E4F1: variants seen among roughly 807,000 people sequenced by gnomAD.
The protein encoded by E4F1 is transcription factor E4F1.
A neutral mutation model predicts 72.9 loss-of-function variants in E4F1; 30 were observed. The ratio of observed to expected loss-of-function variants is 0.41; its 90% CI spans 0.31 to 0.56. The LOEUF (loss-of-function observed/expected upper bound fraction) is 0.56. Ranked by LOEUF, E4F1 falls within the 20% of genes least tolerant of loss-of-function variation. The pLI is 0.25. For synonymous variants in E4F1, 542 were observed against 478.2 expected (o/e 1.13, Z -1.74); for missense variants, 1,091 against 1,117.5 (o/e 0.98, Z 0.34).
chr16:2,232,145 G>A, intron 3 of E4F1, 26 bp from the exon 4 acceptor site: 1 of 1,606,154 alleles, frequency 6.2e-7, no homozygotes, highest in Non-Finnish European at 8.5e-7. Flanking sequence ...CAGGTCCTGG[G>A]GCTTAGGCCC....
At chr16:2,231,837 C>A in intron 3 of E4F1, 1 of 313,942 alleles carries the variant, frequency 3.2e-6, no homozygotes, top group South Asian at 3.8e-5. Context: ...TGTCTCTTCA[C>A]CCAAGGACCT....
In E4F1 at chr16:2,233,103, G is replaced by A; in HGVS notation, c.976G>A (p.Asp326Asn). 1 of 1,612,672 alleles carries A rather than the reference G, an allele frequency of 6.2e-7. No homozygotes were observed. The highest frequency in any genetic ancestry group is 8.5e-7 in the Non-Finnish European group (1 of 1,179,538). The change falls in exon 7 of 14, where the codon GAT (aspartate) becomes AAT (asparagine). Residue 326 changes from aspartate to asparagine, a missense_variant. Transcript: ENST00000301727. Reference protein sequence around the residue: ...ETSPVIHLVTDAKGTVIHEVH... With the variant: ...ETSPVIHLVTNAKGTVIHEVH... ...TTCACCCGTGATTCACCTGGTGACA[G>A]ATGCCAAGGGCACCGTCATCCACGA... is the stretch of plus-strand genomic sequence containing the variant.
Position 2,235,561 on chromosome 16 carries a change from G to A in E4F1, c.2344G>A (p.Val782Ile), listed in dbSNP as rs1271656018. Residue 782 changes from valine (V) to isoleucine (I), a missense_variant, in exon 14 of 14, where the codon GTC (valine) becomes ATC (isoleucine). Transcript: ENST00000301727. ...GGAGGGCCAGCTGGAGGTGCAGACG[G>A]TCATCGTCTAGCATGAGGTCTGCGG... ...SPEGQLEVQTVIV is the reference protein window; with the variant it reads ...SPEGQLEVQTIIV 7 of 1,595,718 alleles carry A rather than the reference G, an allele frequency of 4.4e-6. No homozygotes were observed. The highest frequency in any genetic ancestry group is 6.0e-6 in the Non-Finnish European group (7 of 1,168,556).
rs1404771546 is a variant in E4F1, at chr16:2,232,482, C to T, written c.636C>T (p.Val212=). ...GCAGCATCCTCAAGGCCCACATGGT[C>T]ACTCACAGCAGCCGCAAGGACCACG... ...KTGSILKAHM[V]THSSRKDHEC... Residue 212 remains valine (V), a synonymous_variant, in exon 5 of 14, where the codon GTC becomes GTT. Coordinates refer to ENST00000301727, the MANE Select transcript of E4F1 (RefSeq NM_004424.5). 2 of 1,611,088 alleles carry T rather than the reference C, an allele frequency of 1.2e-6. No homozygotes were observed. The highest frequency in any genetic ancestry group is 1.7e-5 in the Admixed American group (1 of 59,744).
chr16:2,232,909 G>A lies in E4F1; in HGVS notation c.883+1G>A. On this transcript the variant is annotated splice_donor_variant, in intron 6 of 13. Coordinates refer to ENST00000301727, the MANE Select transcript of E4F1 (RefSeq NM_004424.5). LOFTEE classifies it high-confidence loss of function. ...GTCAGCAAAGAGGACGCACGTGCAG[G>A]TCAGCATGGTGCGGGCAGCTGCCTG... is the stretch of plus-strand genomic sequence containing the variant. 1 of 1,613,274 alleles carries A rather than the reference G, an allele frequency of 6.2e-7. No homozygotes were observed. Among genetic ancestry groups the A allele is most frequent in the Non-Finnish European group, 8.5e-7 (1 of 1,179,992 alleles).
In E4F1 at chr16:2,228,624, C is replaced by T. The variant is rs2093446974; in HGVS notation, c.309+101C>T. On this transcript the variant is annotated intron_variant, in intron 2 of 13. Transcript: ENST00000301727. ...GACCTGTGCAGCCGGTTCCGGGGGC[C>T]ACGTGGGCGGGCAGAGGGCAGGCAC... 4 of 1,433,048 alleles carry T rather than the reference C, an allele frequency of 2.8e-6. No homozygotes were observed. The African/African-American group carries it at 5.7e-5, about 20-fold the overall frequency. The allele number at this position is 1,433,048 out of a possible 1,614,324, so 88.8% of individuals were successfully genotyped here.
intron 7 of E4F1, 118 bp downstream of exon 7, chr16:2,233,301 A>G: frequency 6.8e-7 from 1 of 1,464,090 alleles, no homozygotes; most frequent in South Asian, 1.4e-5. Context: ...TGGGCTTCCC[A>G]CAGGGAGAGC....
Position 2,233,615 on chromosome 16 carries a change from C to A in E4F1, c.1234C>A (p.Leu412Met). The change falls in exon 8 of 14, where the codon CTG becomes ATG. Residue 412 changes from leucine (L) to methionine (M), a missense_variant. Coordinates refer to ENST00000301727, the MANE Select transcript of E4F1 (RefSeq NM_004424.5). ...PQPLAVAAPQLPVLEVQPLET... is the reference protein window; with the variant it reads ...PQPLAVAAPQMPVLEVQPLET... ...GCCCCTGGCAGTGGCAGCCCCGCAG[C>A]TGCCGGTACTGGAAGTGCAGCCGCT... The A allele has an allele frequency of 6.6e-7, 1 of 1,513,130 alleles. No individual in the cohort carries two copies. The highest frequency in any genetic ancestry group is 8.9e-7 in the Non-Finnish European group (1 of 1,129,464). 93.7% of individuals were successfully genotyped at this position (1,513,130 alleles called of 1,614,324 possible). A position where few individuals can be genotyped will look rare whatever the true frequency, so the allele number is the denominator to read the frequency against.
chr16:2,223,594 T>C lies in E4F1; in HGVS notation c.-20T>C, dbSNP rs1023771379. On this transcript the variant is annotated 5_prime_UTR_variant, in exon 1 of 14. Coordinates refer to ENST00000301727, the MANE Select transcript of E4F1 (RefSeq NM_004424.5). The stretch of plus-strand genomic sequence containing the variant: ...ACGACATGGTCGTAAATCCGCCATC[T>C]TCCTGCGGCGCGTTGCGACATGGAG... 3 of 1,582,252 alleles carry C rather than the reference T, an allele frequency of 1.9e-6. No individual in the cohort carries two copies. The Admixed American group carries it at 5.2e-5, about 28-fold the overall frequency.
chr16:2,232,588 G>GC lies in E4F1; in HGVS notation c.730+13dup. 1 of 1,611,254 alleles carries GC rather than the reference G, an allele frequency of 6.2e-7. No individual in the cohort carries two copies. Among genetic ancestry groups the GC allele is most frequent in the Non-Finnish European group, 8.5e-7 (1 of 1,179,168 alleles). Reference sequence around the variant, plus strand: ...CCGGCGGCACACGGGTGAGCTGGCCGCACCTCGGGCTGGAGCCCGGTAGCA... The same window carrying GC: ...CCGGCGGCACACGGGTGAGCTGGCCGCCACCTCGGGCTGGAGCCCGGTAGCA... On this transcript the variant is annotated intron_variant, in intron 5 of 13. Coordinates refer to ENST00000301727, the MANE Select transcript of E4F1 (RefSeq NM_004424.5).
Position 2,234,299 on chromosome 16 carries a change from A to T in E4F1, c.1504A>T (p.Thr502Ser), listed in dbSNP as rs758933957. Residue 502 changes from threonine to serine, a missense_variant, in exon 10 of 14, where the codon ACC (threonine) becomes TCC (serine). Transcript: ENST00000301727. ...RCGDCGKLYKTIAHVRGHRRV... is the reference protein window; with the variant it reads ...RCGDCGKLYKSIAHVRGHRRV... ...TGGCGACTGCGGGAAGCTCTACAAG[A>T]CCATTGCCCATGTGCGTGGCCACCG... 1.3e-5 allele frequency: 21 copies of T among 1,612,824 alleles called. No individual in the cohort carries two copies. Among genetic ancestry groups the T allele is most frequent in the Admixed American group, 3.3e-5 (2 of 60,008 alleles).
Position 2,235,377 on chromosome 16 carries a change from A to G in E4F1, c.2160A>G (p.Thr720=). 1 of 1,610,692 alleles carries G rather than the reference A, an allele frequency of 6.2e-7. No homozygotes were observed. The highest frequency in any genetic ancestry group is 1.1e-5 in the South Asian group (1 of 91,076). ...TITIATPESL[T]EQVAMTLASA... is the part of the protein sequence containing the mutation. Reference sequence around the variant, plus strand: ...CCATCGCCACCCCCGAGAGCCTGACAGAGCAGGTGGCCATGACGCTGGCCT... The same window carrying G: ...CCATCGCCACCCCCGAGAGCCTGACGGAGCAGGTGGCCATGACGCTGGCCT... The change falls in exon 14 of 14, where the codon ACA becomes ACG. Residue 720 remains threonine, a synonymous_variant. Transcript: ENST00000301727.
Position 2,232,878 on chromosome 16 carries a change from G to A in E4F1, c.853G>A (p.Val285Met), listed in dbSNP as rs1354381558. The A allele has an allele frequency of 3.1e-6, 5 of 1,613,310 alleles. No homozygotes were observed. Among genetic ancestry groups the A allele is most frequent in the East Asian group, 2.2e-5 (1 of 44,900 alleles). ...EKIRFSVSKD[V>M]VVSKEDARAG... ...AATCCGCTTCAGTGTGAGCAAGGAC[G>A]TGGTTGTCAGCAAAGAGGACGCACG... is the stretch of plus-strand genomic sequence containing the variant. Residue 285 changes from valine to methionine, a missense_variant, in exon 6 of 14, where the codon GTG becomes ATG. Physicochemically the swap from Val to Met is conservative, Grantham distance 21 (BLOSUM62 1). Around this residue, in one of 5 missense-constraint regions of E4F1, gnomAD observed 101 missense variants for 97.4 expected, o/e 1.04. Transcript: ENST00000301727.
Position 2,229,683 on chromosome 16 carries a change from G to T in E4F1, c.415+8G>T. The T allele has an allele frequency of 6.2e-7, 1 of 1,612,266 alleles. No homozygotes were observed. The highest frequency in any genetic ancestry group is 1.1e-5 in the South Asian group (1 of 91,038). ...ACGCATCTGACCTTGTTGGTAAGCC[G>T]ACTTCCATGAATCGCTGGCCTGATA... is the stretch of plus-strand genomic sequence containing the variant. On this transcript the variant is annotated splice_region_variant and intron_variant, in intron 3 of 13. Coordinates refer to ENST00000301727, the MANE Select transcript of E4F1 (RefSeq NM_004424.5).
chr16:2,229,277 G>T (rs1052669830), intron 2 of E4F1, among the ~76,000 whole-genome samples: 3 of 152,264 alleles, frequency 2.0e-5, no homozygotes, highest in Admixed American at 6.5e-5. Context: ...TCCTGCCAGA[G>T]TTGCTGCTCC....
Position 2,235,423 on chromosome 16 carries a change from G to C in E4F1, c.2206G>C (p.Val736Leu). 6.2e-7 allele frequency: 1 copy of C among 1,612,464 alleles called. No homozygotes were observed. Among genetic ancestry groups the C allele is most frequent in the Non-Finnish European group, 8.5e-7 (1 of 1,179,932 alleles). Residue 736 changes from valine (V) to leucine (L), a missense_variant, in exon 14 of 14, where the codon GTG becomes CTG. Val to Leu is a conservative substitution (Grantham distance 32, BLOSUM62 1). Coordinates refer to ENST00000301727, the MANE Select transcript of E4F1 (RefSeq NM_004424.5). ...TLASAISEGT[V>L]LAARAGTSGT... is the part of the protein sequence containing the mutation. ...GGCCTCGGCCATCAGCGAGGGCACT[G>C]TGCTTGCCGCCCGGGCAGGGACAAG...
chr16:2,227,402 C>T (rs1388099467), intron 1 of E4F1, among the ~76,000 whole-genome samples: 8 of 151,582 alleles, frequency 5.3e-5, no homozygotes, highest in South Asian at 2.1e-4. Flanking sequence ...AACGGAGTCT[C>T]GCTCTTTCGC....
chr16:2,235,027 C>G (rs1250278287), intron 12 of E4F1, 26 bp downstream of exon 12: 1 of 1,611,906 alleles, frequency 6.2e-7, no homozygotes, highest in Non-Finnish European at 8.5e-7. Context: ...TGGGGCCGTG[C>G]TGGGACCCAG....
intron 2 of E4F1, among the ~76,000 whole-genome samples, chr16:2,228,787 T>C (rs2093448176): frequency 6.6e-6 from 1 of 152,208 alleles, no homozygotes; most frequent in Non-Finnish European, 1.5e-5. Flanking sequence ...TCTTCTTTCT[T>C]GGAGCTGGAG....
Sources: allele counts gnomAD v4.1 joint callset (sites outside exome capture counted in the v4.1 genomes callset), GRCh38; gene constraint gnomAD v4.1.1; regional missense constraint gnomAD v4.1.1; transcripts MANE v1.5; gene names NCBI Gene and HGNC (gene_info 2026-07-23, HGNC 2026-07-21).